PRPF39: variants seen among roughly 807,000 people sequenced by gnomAD.
PRPF39 encodes the protein pre-mRNA processing factor 39, also known as pre-mRNA-processing factor 39.
Under a neutral mutation model 82.1 loss-of-function variants are expected in PRPF39, and 27 were observed. The observed-to-expected ratio is 0.33, with a 90% CI of 0.24 to 0.45. PRPF39 has a LOEUF of 0.45. Ranked by LOEUF, PRPF39 falls within the 20% of genes least tolerant of loss-of-function variation. The pLI, the probability that PRPF39 is intolerant of heterozygous loss-of-function variation, is 1.00. For synonymous variants in PRPF39, 261 were observed against 256.4 expected (o/e 1.02, Z -0.17); for missense variants, 581 against 796.9 (o/e 0.73, Z 3.26).
intron 6 of PRPF39, 132 bp downstream of exon 6, chr14:45,107,748 G>A: frequency 1.2e-6 from 1 of 828,758 alleles, no homozygotes; most frequent in South Asian, 1.8e-5. Context: ...AGGCAACATG[G>A]TGAAACCCTG....
intron 5 of PRPF39, among the ~76,000 whole-genome samples, chr14:45,103,723 A>G (rs1424653375): frequency 5.9e-5 from 9 of 152,166 alleles, no homozygotes; most frequent in Non-Finnish European, 1.0e-4. Flanking sequence ...TTGCTGAAAG[A>G]TGTTAACACA....
intron 5 of PRPF39, 94 bp downstream of exon 5, chr14:45,102,790 T>G: frequency 2.4e-6 from 3 of 1,225,934 alleles, no homozygotes; most frequent in Non-Finnish European, 1.1e-6. Context: ...TTATGTAAGC[T>G]TTTATTATGT....
chr14:45,109,530 T>G, intron 7 of PRPF39, 86 bp from the exon 8 acceptor site: 2 of 1,056,216 alleles, frequency 1.9e-6, no homozygotes, highest in Non-Finnish European at 2.5e-6. Context: ...TCAATTATAT[T>G]TAAAATTATT....
intron 1 of PRPF39, among the ~76,000 whole-genome samples, chr14:45,093,182 T>C (rs1285982838): frequency 1.3e-5 from 2 of 152,178 alleles, no homozygotes; most frequent in Non-Finnish European, 2.9e-5. Flanking sequence ...AATACAGATG[T>C]ACATATTTCC....
At chr14:45,109,850 A>G in intron 8 of PRPF39, 70 bp downstream of exon 8, 1 of 1,523,882 alleles carries the variant, frequency 6.6e-7, no homozygotes, top group Non-Finnish European at 8.8e-7. Context: ...CCTTTTTTGT[A>G]CTTCTGTTGA....
chr14:45,107,386 A>T, intron 5 of PRPF39, 65 bp from the exon 6 acceptor site: 1 of 1,209,446 alleles, frequency 8.3e-7, no homozygotes, highest in Non-Finnish European at 1.2e-6. Flanking sequence ...AGTATATAGT[A>T]GGAATCTCAA....
At chr14:45,105,897 G>A (rs1884516354) in intron 5 of PRPF39, among the ~76,000 whole-genome samples, 1 of 152,102 alleles carries the variant, frequency 6.6e-6, no homozygotes, top group Non-Finnish European at 1.5e-5. Flanking sequence ...ACTAGAGGCT[G>A]CAAGGTCATT....
chr14:45,105,525 CT>C (rs201816309), intron 5 of PRPF39, among the ~76,000 whole-genome samples: 3,187 of 133,426 alleles, frequency 0.024, 36 homozygotes, highest in African/African-American at 0.041. Context: ...TATTTATATA[CT>C]TTTTTTTTTT....
rs747677040 is a variant in PRPF39, at chr14:45,112,513, AGTTAT to A, written c.1757+12_1757+16del. ...TTCCGATGTTAATAAGTAAGATATT[AGTTAT>A]ATTACCTATTTGAATGATAAATGAG... On this transcript the variant is annotated intron_variant, in intron 11 of 13. Coordinates refer to ENST00000355765, the MANE Select transcript of PRPF39 (RefSeq NM_017922.4). 2.7e-5 allele frequency: 39 copies of A among 1,465,082 alleles called. 1 individual carries two copies. In the South Asian group the frequency reaches 4.4e-4, roughly 17 times the overall value. The allele number at this position is 1,465,082 out of a possible 1,614,324, so 90.8% of individuals were successfully genotyped here. A position where few individuals can be genotyped will look rare whatever the true frequency, so the allele number is the denominator to read the frequency against.
Position 45,112,276 on chromosome 14 carries a change from A to C in PRPF39, c.1573-42A>C, listed in dbSNP as rs746763688. 4 of 1,463,584 alleles carry C rather than the reference A, an allele frequency of 2.7e-6. No individual in the cohort carries two copies. The Admixed American group carries it at 7.9e-5, about 29-fold the overall frequency. The allele number at this position is 1,463,584 out of a possible 1,614,324, so 90.7% of individuals were successfully genotyped here. ...CATTTTAAATATCTGTGCTCTAATA[A>C]AAATATTTTAGAAATATTCATTGAT... On this transcript the variant is annotated intron_variant, in intron 10 of 13. Transcript: ENST00000355765.
intron 1 of PRPF39, among the ~76,000 whole-genome samples, chr14:45,086,714 C>T (rs1438636977): frequency 2.6e-5 from 4 of 152,064 alleles, no homozygotes; most frequent in Admixed American, 6.6e-5. Flanking sequence ...AGGGGGACAG[C>T]GGTGAACAAA....
At chr14:45,105,012 G>A (rs1444575443) in intron 5 of PRPF39, among the ~76,000 whole-genome samples, 1 of 152,052 alleles carries the variant, frequency 6.6e-6, no homozygotes, top group Non-Finnish European at 1.5e-5. Flanking sequence ...ATTTATATTA[G>A]CACCAGTAAC....
intron 1 of PRPF39, among the ~76,000 whole-genome samples, chr14:45,087,320 G>A (rs964102007): frequency 2.6e-5 from 4 of 152,006 alleles, no homozygotes; most frequent in Admixed American, 6.6e-5. Flanking sequence ...GACTGGTCTC[G>A]AACTCCTGGA....
intron 2 of PRPF39, chr14:45,095,784 G>A: frequency 1.6e-6 from 1 of 631,888 alleles, no homozygotes; most frequent in Non-Finnish European, 2.5e-6. Context: ...TGTAATAATT[G>A]AGGTGTAAAT....
rs2139065320 is a variant in PRPF39, at chr14:45,110,425, T to C, written c.1304-124T>C. ...AACAGCCATAGGCAGTGTGTAAATA[T>C]GCATGGCTGTTTCCCATTATTAGTT... On this transcript the variant is annotated intron_variant, in intron 9 of 13. Coordinates refer to ENST00000355765, the MANE Select transcript of PRPF39 (RefSeq NM_017922.4). The surrounding 1 kb of genome is among the most constrained non-coding windows in gnomAD (Gnocchi z 4.0). 1.6e-6 allele frequency: 2 copies of C among 1,216,824 alleles called. No homozygotes were observed. Among genetic ancestry groups the C allele is most frequent in the Non-Finnish European group, 2.3e-6 (2 of 880,988 alleles). The allele number at this position is 1,216,824 out of a possible 1,614,324, so 75.4% of individuals were successfully genotyped here.
intron 4 of PRPF39, among the ~76,000 whole-genome samples, chr14:45,100,682 T>C (rs1007272096): frequency 6.6e-6 from 1 of 152,230 alleles, no homozygotes; most frequent in East Asian, 1.9e-4. Flanking sequence ...ACACCAAATA[T>C]GCACATGCAT....
In PRPF39 at chr14:45,115,420, G is replaced by A. The variant is rs1313612103; in HGVS notation, c.*507G>A. On this transcript the variant is annotated 3_prime_UTR_variant, in exon 14 of 14. Transcript: ENST00000355765. ...ATACATTATTAAAATACTTTGCCTTGGAATAGATTATAAATGAGAAAATGG... is the reference window on the plus strand; with the variant it reads ...ATACATTATTAAAATACTTTGCCTTAGAATAGATTATAAATGAGAAAATGG... 1 of 151,750 alleles carries A rather than the reference G, an allele frequency of 6.6e-6. No homozygotes were observed. Among genetic ancestry groups the A allele is most frequent in the Admixed American group, 6.6e-5 (1 of 15,184 alleles). The allele number at this position is 151,750 out of a possible 1,614,324, so 9.4% of individuals were successfully genotyped here.
chr14:45,113,204 A>G (rs1028435304), intron 11 of PRPF39, among the ~76,000 whole-genome samples: 4 of 152,176 alleles, frequency 2.6e-5, no homozygotes, highest in Admixed American at 6.6e-5. Context: ...GGGTGTTTGT[A>G]TATGTGTGTA....
At chr14:45,105,660 G>A (rs565495763) in intron 5 of PRPF39, among the ~76,000 whole-genome samples, 9 of 151,562 alleles carry the variant, frequency 5.9e-5, no homozygotes, top group Non-Finnish European at 1.2e-4. Flanking sequence ...CCGAGTAGCT[G>A]GGATTACAGG....
Sources: gnomAD v4.1 joint callset for allele counts (sites outside exome capture counted in the v4.1 genomes callset) on GRCh38, gnomAD v4.1.1 for gene constraint, Gnocchi (gnomAD v3.1) non-coding constraint, MANE v1.5 for transcripts, NCBI Gene and HGNC (gene_info 2026-07-23, HGNC 2026-07-21) for gene names.